The following FOCAD variants were observed in gnomAD, a reference collection of about 807,000 sequenced individuals.
FOCAD encodes the protein KIAA1797.
Under a neutral mutation model 225.6 loss-of-function variants are expected in FOCAD, and 198 were observed. The ratio of observed to expected loss-of-function variants is 0.88; its 90% CI spans 0.78 to 0.99. The LOEUF (loss-of-function observed/expected upper bound fraction) is 0.99, where lower values mean the gene tolerates loss of function less well. Ranked by LOEUF, FOCAD falls within the 50% of genes least tolerant of loss-of-function variation. FOCAD has a pLI of 0.00. For synonymous variants in FOCAD, 897 were observed against 755.0 expected, an observed-to-expected ratio of 1.19 and a Z score of -3.08; for missense variants, 2,713 against 2,123.6, an observed-to-expected ratio of 1.28 and a Z score of -5.46.
chr9:20,922,996 C>T (rs918291249), intron 24 of FOCAD, among the ~76,000 whole-genome samples: 3 of 152,292 alleles, frequency 2.0e-5, no homozygotes, highest in Admixed American at 2.0e-4. Flanking sequence ...TAGAAGGCTA[C>T]CATTTAGATG....
intron 36 of FOCAD, among the ~76,000 whole-genome samples, chr9:20,977,816 A>G (rs1463339098): frequency 1.3e-5 from 2 of 152,162 alleles, no homozygotes; most frequent in African/African-American, 2.4e-5. Context: ...GTGTTCCGCT[A>G]TCCCTCTCCT....
chr9:20,660,118 G>C (rs1275448889), intron 2 of FOCAD, among the ~76,000 whole-genome samples: 1 of 152,124 alleles, frequency 6.6e-6, no homozygotes, highest in Non-Finnish European at 1.5e-5. Context: ...CAGGTTCAGT[G>C]GTAGCTAAAT....
At chr9:20,836,345 A>G (rs1178549269) in intron 15 of FOCAD, among the ~76,000 whole-genome samples, 1 of 152,124 alleles carries the variant, frequency 6.6e-6, no homozygotes, top group Non-Finnish European at 1.5e-5. Flanking sequence ...AGTATTTATT[A>G]CACTCTGGAA....
intron 20 of FOCAD, among the ~76,000 whole-genome samples, chr9:20,882,958 C>A (rs1587497112): frequency 6.6e-6 from 1 of 152,058 alleles, no homozygotes; most frequent in South Asian, 2.1e-4. Context: ...AAGGAGTGAA[C>A]CAGAGCTGGA....
At chr9:20,876,312 A>G (rs1285359018) in intron 19 of FOCAD, among the ~76,000 whole-genome samples, 7 of 152,210 alleles carry the variant, frequency 4.6e-5, no homozygotes. Flanking sequence ...TCAGTTATCC[A>G]AAGTTCTTTC....
chr9:20,879,060 T>TA (rs1249018829), intron 19 of FOCAD, among the ~76,000 whole-genome samples: 1 of 152,134 alleles, frequency 6.6e-6, no homozygotes, highest in African/African-American at 2.4e-5. Flanking sequence ...ACTCACATAC[T>TA]AATCTCCTCT....
intron 2 of FOCAD, among the ~76,000 whole-genome samples, chr9:20,659,434 G>GAA (rs1563860498): frequency 6.6e-6 from 1 of 150,900 alleles, no homozygotes; most frequent in Admixed American, 6.6e-5. Context: ...GAGAAAGAAA[G>GAA]AAAGAAAGAC....
chr9:20,675,706 G>A (rs1275587992), intron 2 of FOCAD, among the ~76,000 whole-genome samples: 1 of 152,178 alleles, frequency 6.6e-6, no homozygotes, highest in Non-Finnish European at 1.5e-5. Context: ...CACAGCAGCT[G>A]AAAAAATTTT....
At chr9:20,872,428 G>T (rs1033575977) in intron 18 of FOCAD, among the ~76,000 whole-genome samples, 3 of 152,006 alleles carry the variant, frequency 2.0e-5, no homozygotes, top group Admixed American at 2.0e-4. Context: ...TTGGTCATTT[G>T]ACATAGTTTG....
chr9:20,888,713 G>A (rs1831341323), intron 21 of FOCAD, among the ~76,000 whole-genome samples: 1 of 152,084 alleles, frequency 6.6e-6, no homozygotes, highest in Non-Finnish European at 1.5e-5. Flanking sequence ...AATTATGGGG[G>A]CGGGTCTTTC....
intron 24 of FOCAD, among the ~76,000 whole-genome samples, 183 bp downstream of exon 24, chr9:20,917,120 T>C (rs992916508): frequency 2.6e-5 from 4 of 152,176 alleles, no homozygotes; most frequent in Non-Finnish European, 5.9e-5. Context: ...ACATGTCTTT[T>C]TGTGAAAATA....
chr9:20,951,210 A>G (rs1422200899), intron 34 of FOCAD, 112 bp downstream of exon 34: 3 of 773,274 alleles, frequency 3.9e-6, no homozygotes, highest in South Asian at 1.7e-5. Flanking sequence ...AATGGGTATT[A>G]CCATCTCTGT....
chr9:20,691,721 C>G (rs771033902), intron 1 of FOCAD, among the ~76,000 whole-genome samples: 1 of 151,522 alleles, frequency 6.6e-6, no homozygotes, highest in Non-Finnish European at 1.5e-5. Context: ...ACCTCGTGAT[C>G]TGCCCACTTC....
chr9:20,672,762 AT>A (rs1164244397), intron 2 of FOCAD, among the ~76,000 whole-genome samples: 1 of 152,196 alleles, frequency 6.6e-6, no homozygotes, highest in Non-Finnish European at 1.5e-5. Context: ...AAAATAAATT[AT>A]TTTTAAAAAT....
chr9:20,973,731 T>A (rs1839978813), intron 35 of FOCAD, among the ~76,000 whole-genome samples: 1 of 151,472 alleles, frequency 6.6e-6, no homozygotes, highest in African/African-American at 2.4e-5. Context: ...CATCTGTTCA[T>A]GGCCTCTGCT....
chr9:20,993,226 T>C, intron 42 of FOCAD, 27 bp from the exon 43 acceptor site: 1 of 1,583,610 alleles, frequency 6.3e-7, no homozygotes. Flanking sequence ...TTCTCTTCTT[T>C]GACACTATTT....
At chr9:20,733,150 CAT>C (rs1826854948) in intron 4 of FOCAD, among the ~76,000 whole-genome samples, 1 of 152,142 alleles carries the variant, frequency 6.6e-6, no homozygotes, top group South Asian at 2.1e-4. Context: ...ACCTCAAACT[CAT>C]AGAGTCTGCT....
chr9:20,700,329 C>T (rs1309993099), intron 1 of FOCAD, among the ~76,000 whole-genome samples: 1 of 151,754 alleles, frequency 6.6e-6, no homozygotes, highest in Non-Finnish European at 1.5e-5. Flanking sequence ...ACCCATTTTC[C>T]ATCTCTATTA....
chr9:20,799,909 T>A lies in FOCAD; in HGVS notation c.1455+10301T>A, dbSNP rs894452283. ...GTCATTATGATGTTAGCTGGTTATT[T>A]TGCTCGTTAGTTGATGCAGTTTCTT... On this transcript the variant is annotated intron_variant, in intron 11 of 43. Transcript: ENST00000338382. 2.6e-5 allele frequency among the ~76,000 whole-genome samples: 4 copies of A among 152,246 alleles called. No individual in the cohort carries two copies. In the East Asian group the frequency reaches 7.8e-4, roughly 30 times the overall value.
Sources: allele counts gnomAD v4.1 joint callset (sites outside exome capture counted in the v4.1 genomes callset), GRCh38; gene constraint gnomAD v4.1.1; transcripts MANE v1.5; gene names NCBI Gene and HGNC (gene_info 2026-07-23, HGNC 2026-07-21).